Variants in PCDH9 observed in about 807,000 individuals in gnomAD.
The protein encoded by PCDH9 is protocadherin-9.
PCDH9 carries 24 observed loss-of-function variants against 70.6 expected under a neutral mutation model. The ratio of observed to expected loss-of-function variants is 0.34; its 90% confidence interval spans 0.25 to 0.48. PCDH9 has a LOEUF of 0.48. Among genes scored for constraint, PCDH9 ranks in the 20% least tolerant of loss-of-function variants. PCDH9 has a pLI of 0.99. For missense variants in PCDH9, 1,281 were observed against 1,503.6 expected, an observed-to-expected ratio of 0.85 and a Z score of 2.45; for synonymous variants, 562 against 558.5, an observed-to-expected ratio of 1.01 and a Z score of -0.09.
At chr13:66,339,380 G>C (rs1416130765) in intron 4 of PCDH9, among the ~76,000 whole-genome samples, 5 of 152,104 alleles carry the variant, frequency 3.3e-5, no homozygotes, top group South Asian at 4.2e-4. Context: ...ATGTGTGTTG[G>C]GGGGGTGTGG....
At chr13:66,572,818 G>C (rs149655608) in intron 4 of PCDH9, among the ~76,000 whole-genome samples, 1 of 151,854 alleles carries the variant, frequency 6.6e-6, no homozygotes, top group African/African-American at 2.4e-5. Context: ...GGAGTGCAGC[G>C]GCATGATCAC....
chr13:66,775,221 G>A (rs187719956), intron 3 of PCDH9, among the ~76,000 whole-genome samples: 132 of 152,312 alleles, frequency 8.7e-4, no homozygotes, highest in Non-Finnish European at 2.9e-5. Context: ...TAGGAAGCAT[G>A]TAGTAAAATT....
chr13:66,842,820 G>T (rs1166640267), intron 3 of PCDH9, among the ~76,000 whole-genome samples: 1 of 152,206 alleles, frequency 6.6e-6, no homozygotes, highest in African/African-American at 2.4e-5. Flanking sequence ...TGAGGGTGAA[G>T]GGAGTGATTT....
At chr13:66,578,460 C>G (rs2076845544) in intron 4 of PCDH9, among the ~76,000 whole-genome samples, 1 of 151,916 alleles carries the variant, frequency 6.6e-6, no homozygotes, top group African/African-American at 2.4e-5. Flanking sequence ...TTGTAGTCAG[C>G]CTACTGTAGG....
chr13:67,143,028 T>C (rs961097878), intron 2 of PCDH9, among the ~76,000 whole-genome samples: 1 of 149,554 alleles, frequency 6.7e-6, no homozygotes, highest in Admixed American at 6.7e-5. Flanking sequence ...AAAGAAAAAA[T>C]AAGAAAGAAA....
intron 3 of PCDH9, among the ~76,000 whole-genome samples, chr13:66,706,972 C>T (rs138216047): frequency 1.3e-3 from 205 of 152,156 alleles, no homozygotes; most frequent in African/African-American, 4.7e-3. Flanking sequence ...TGTAGGGACA[C>T]CGGGCTGGGG....
chr13:67,046,390 T>C (rs2085222174), intron 2 of PCDH9, among the ~76,000 whole-genome samples: 1 of 152,158 alleles, frequency 6.6e-6, no homozygotes, highest in Admixed American at 6.5e-5. Context: ...TCCTGTTTGA[T>C]AAAATTGATA....
intron 2 of PCDH9, among the ~76,000 whole-genome samples, chr13:67,006,329 T>G (rs1431462403): frequency 4.6e-5 from 7 of 152,146 alleles, no homozygotes; most frequent in Non-Finnish European, 7.4e-5. Context: ...GAGGATAGAT[T>G]GTGCAGGAAT....
chr13:66,707,360 G>A (rs1308359887), intron 3 of PCDH9, among the ~76,000 whole-genome samples: 2 of 152,084 alleles, frequency 1.3e-5, no homozygotes, highest in African/African-American at 2.4e-5. Flanking sequence ...TACGCACTTA[G>A]AAAAAAAGCA....
intron 2 of PCDH9, among the ~76,000 whole-genome samples, chr13:67,123,644 A>G (rs944747278): frequency 6.6e-6 from 1 of 152,074 alleles, no homozygotes; most frequent in African/African-American, 2.4e-5. Context: ...ACTAAAATGA[A>G]TTTGCTGTTT....
chr13:66,561,636 T>C (rs953751226), intron 4 of PCDH9, among the ~76,000 whole-genome samples: 2 of 152,136 alleles, frequency 1.3e-5, no homozygotes, highest in South Asian at 4.2e-4. Flanking sequence ...CAATCCACAC[T>C]CTGTATCTAG....
At chr13:66,668,906 T>G (rs538515942) in intron 3 of PCDH9, among the ~76,000 whole-genome samples, 1 of 152,308 alleles carries the variant, frequency 6.6e-6, no homozygotes, top group South Asian at 2.1e-4. Context: ...GGTCTCAGGT[T>G]TGTTTTTAAT....
chr13:66,313,505 G>A (rs1369427041), intron 4 of PCDH9, among the ~76,000 whole-genome samples: 2 of 152,166 alleles, frequency 1.3e-5, no homozygotes, highest in African/African-American at 2.4e-5. Context: ...AAGTCCAAGT[G>A]AAAAATAAGC....
chr13:66,353,326 G>A (rs1201024827), intron 4 of PCDH9, among the ~76,000 whole-genome samples: 1 of 152,164 alleles, frequency 6.6e-6, no homozygotes, highest in Non-Finnish European at 1.5e-5. Flanking sequence ...TAAACTTCAA[G>A]AGCATACTTA....
chr13:66,609,938 G>A (rs1256813430), intron 4 of PCDH9, among the ~76,000 whole-genome samples: 1 of 148,832 alleles, frequency 6.7e-6, no homozygotes, highest in East Asian at 2.0e-4. Flanking sequence ...CCAGTAAGGA[G>A]AAATAGCATT....
intron 4 of PCDH9, among the ~76,000 whole-genome samples, chr13:66,372,185 A>G (rs1158647): frequency 0.46 from 69,064 of 151,734 alleles, 17,020 homozygotes; most frequent in East Asian, 0.7. Context: ...TAGTTTGGAA[A>G]CTAAATCTTG....
intron 3 of PCDH9, among the ~76,000 whole-genome samples, chr13:66,888,919 G>A (rs1455218675): frequency 6.6e-6 from 1 of 152,068 alleles, no homozygotes; most frequent in Non-Finnish European, 1.5e-5. Context: ...GTGCCAAAGA[G>A]CTAAAAATAA....
chr13:67,090,849 A>ATGCTATTTTGT (rs2086204067), intron 2 of PCDH9, among the ~76,000 whole-genome samples: 1 of 152,090 alleles, frequency 6.6e-6, no homozygotes, highest in East Asian at 1.9e-4. Context: ...GTAGATGAAG[A>ATGCTATTTTGT]AACGGTGTCG....
At chr13:66,946,550 C>G (rs1035576635) in intron 2 of PCDH9, among the ~76,000 whole-genome samples, 3 of 151,902 alleles carry the variant, frequency 2.0e-5, no homozygotes, top group Non-Finnish European at 4.4e-5. Flanking sequence ...ATGGTACATA[C>G]TATGGTACTA....
Sources: allele counts gnomAD v4.1 joint callset (sites outside exome capture counted in the v4.1 genomes callset), GRCh38; gene constraint gnomAD v4.1.1; transcripts MANE v1.5; gene names NCBI Gene and HGNC (gene_info 2026-07-23, HGNC 2026-07-21).